PCDHA3: variants seen among roughly 807,000 people sequenced by gnomAD.
The protein encoded by PCDHA3 is protocadherin alpha 3.
In PCDHA3, 41 loss-of-function variants were observed where a neutral mutation model predicts 62.2. That is an observed-to-expected ratio of 0.66 (90% CI 0.51 to 0.86). The LOEUF (loss-of-function observed/expected upper bound fraction) is 0.86. Ranked by LOEUF, PCDHA3 falls within the 40% of genes least tolerant of loss-of-function variation. The pLI, the probability that PCDHA3 is intolerant of heterozygous loss-of-function variation, is 0.00. For missense variants in PCDHA3, 1,304 were observed against 1,241.2 expected (o/e 1.05, Z -0.76); for synonymous variants, 640 against 555.4 (o/e 1.15, Z -2.14).
At chr5:140,830,316 C>G (rs2150184866) in intron 1 of PCDHA3, 1 of 1,613,980 alleles carries the variant, frequency 6.2e-7, no homozygotes, top group East Asian at 2.2e-5. Context: ...CTGGTGTGCT[C>G]CAGCGCAGTG....
chr5:141,004,697 T>A (rs2098177211), intron 3 of PCDHA3, among the ~76,000 whole-genome samples: 3 of 152,184 alleles, frequency 2.0e-5, no homozygotes, highest in Admixed American at 2.0e-4. Flanking sequence ...AAACCCAGTT[T>A]TAGGTGCCGA....
intron 1 of PCDHA3, chr5:140,815,616 AC>A (rs1291156589): frequency 6.6e-6 from 1 of 152,118 alleles, no homozygotes; most frequent in Non-Finnish European, 1.5e-5. Flanking sequence ...CTTTTGTACC[AC>A]CATTACAGTA....
intron 1 of PCDHA3, chr5:140,877,281 T>TA (rs782748230): frequency 8.7e-6 from 14 of 1,613,708 alleles, no homozygotes; most frequent in Non-Finnish European, 1.2e-5. Context: ...ACTCCGGCTA[T>TA]AACGCTTGGC....
In PCDHA3 at chr5:140,892,541, T is replaced by G. The variant is rs192378744; in HGVS notation, c.2395-86408T>G. Among the ~76,000 whole-genome samples, 3 of 152,250 alleles carry G rather than the reference T, an allele frequency of 2.0e-5. 1 individual carries two copies. The highest frequency in any genetic ancestry group is 7.2e-5 in the African/African-American group (3 of 41,464). ...CTGGTAGACTCAGGATTCTGACTTT[T>G]GTTTCTCTAGTCCTTGGAGACTGTC... On this transcript the variant is annotated intron_variant, in intron 1 of 3. Transcript: ENST00000522353.
intron 1 of PCDHA3, chr5:140,863,982 CAG>C (rs1167037323): frequency 6.5e-6 from 1 of 152,978 alleles, no homozygotes; most frequent in Non-Finnish European, 1.5e-5. Context: ...GCCTGGGAGA[CAG>C]GGTGAAACTC....
At position 140,830,064 on chromosome 5, in the gene PCDHA3, C is replaced by T. The variant is rs148379064; in HGVS notation, c.2394+26473C>T. On this transcript the variant is annotated intron_variant, in intron 1 of 3. Transcript: ENST00000522353. Reference sequence around the variant, plus strand: ...CTGGTGAAAGACCACGGTGAGCCGGCGCTGACAGCGACGGCCACGGTTCTG... The same window carrying T: ...CTGGTGAAAGACCACGGTGAGCCGGTGCTGACAGCGACGGCCACGGTTCTG... 52 of 1,613,544 alleles carry T rather than the reference C, an allele frequency of 3.2e-5. No individual in the cohort carries two copies. The African/African-American group carries it at 5.9e-4, about 18-fold the overall frequency.
intron 1 of PCDHA3, among the ~76,000 whole-genome samples, chr5:140,885,441 A>G (rs568228687): frequency 6.6e-6 from 1 of 152,232 alleles, no homozygotes; most frequent in African/African-American, 2.4e-5. Context: ...GTGTGCAATT[A>G]TATATTATTT....
intron 1 of PCDHA3, among the ~76,000 whole-genome samples, chr5:140,881,102 T>C (rs1470850677): frequency 1.3e-5 from 2 of 152,230 alleles, no homozygotes; most frequent in African/African-American, 4.8e-5. Flanking sequence ...ATTACACCAT[T>C]TGGCCTGGGA....
intron 1 of PCDHA3, among the ~76,000 whole-genome samples, chr5:140,923,821 G>A (rs1009668330): frequency 1.3e-5 from 2 of 152,148 alleles, no homozygotes; most frequent in African/African-American, 2.4e-5. Flanking sequence ...GAAAATAGAC[G>A]TCAGTGGCAG....
intron 1 of PCDHA3, chr5:140,875,414 C>T: frequency 6.6e-7 from 1 of 1,508,510 alleles, no homozygotes; most frequent in Non-Finnish European, 8.8e-7. Context: ...CATAAAATAC[C>T]TCAGGCAAGC....
intron 1 of PCDHA3, chr5:140,842,164 T>A (rs1246524333): frequency 1.3e-5 from 21 of 1,613,778 alleles, no homozygotes; most frequent in Non-Finnish European, 1.6e-5. Context: ...CATATTCTTT[T>A]AATAGCCTTG....
At chr5:140,814,884 T>G (rs2126659820) in intron 1 of PCDHA3, 2 of 152,350 alleles carry the variant, frequency 1.3e-5, no homozygotes, top group South Asian at 4.1e-4. Context: ...TGGGTGCATA[T>G]GTATTTATAA....
intron 3 of PCDHA3, among the ~76,000 whole-genome samples, chr5:141,000,417 A>ATT (rs1563652061): frequency 3.2e-4 from 25 of 77,724 alleles, no homozygotes; most frequent in African/African-American, 1.1e-3. Context: ...ATATATATAT[A>ATT]TATATTTTTT....
At chr5:141,005,953 A>G (rs1036085493) in intron 3 of PCDHA3, among the ~76,000 whole-genome samples, 1 of 152,052 alleles carries the variant, frequency 6.6e-6, no homozygotes, top group Non-Finnish European at 1.5e-5. Context: ...TCTCTAACAA[A>G]CAACAATAAA....
intron 1 of PCDHA3, among the ~76,000 whole-genome samples, chr5:140,890,162 A>G (rs1433054233): frequency 6.6e-6 from 1 of 152,184 alleles, no homozygotes; most frequent in Non-Finnish European, 1.5e-5. Context: ...TATTTCTGCC[A>G]CAGAAATAGG....
chr5:140,925,320 C>T (rs1201662507), intron 1 of PCDHA3, among the ~76,000 whole-genome samples: 1 of 152,016 alleles, frequency 6.6e-6, no homozygotes, highest in Non-Finnish European at 1.5e-5. Context: ...ACATATTGCA[C>T]CTGTATTAAA....
chr5:140,847,163 A>G (rs1242348309), intron 1 of PCDHA3, among the ~76,000 whole-genome samples: 1 of 149,646 alleles, frequency 6.7e-6, no homozygotes, highest in Non-Finnish European at 1.5e-5. Flanking sequence ...TTTCTGAGTA[A>G]TAAACTAAAG....
intron 1 of PCDHA3, among the ~76,000 whole-genome samples, chr5:140,937,039 C>CTTT (rs34994034): frequency 3.6e-5 from 5 of 140,162 alleles, no homozygotes; most frequent in African/African-American, 5.3e-5. Context: ...TTCCATTTAT[C>CTTT]TTTTTTTTTT....
intron 1 of PCDHA3, among the ~76,000 whole-genome samples, chr5:140,969,915 GC>G (rs1181399848): frequency 2.0e-5 from 3 of 152,192 alleles, no homozygotes; most frequent in African/African-American, 7.2e-5. Flanking sequence ...AAGTGATAAA[GC>G]TGTAGTATTT....
Sources: gnomAD v4.1 joint callset for allele counts (sites outside exome capture counted in the v4.1 genomes callset) on GRCh38, gnomAD v4.1.1 for gene constraint, MANE v1.5 for transcripts, NCBI Gene and HGNC (gene_info 2026-07-23, HGNC 2026-07-21) for gene names.